The following MDGA2 variants were observed in gnomAD, a reference collection of about 807,000 sequenced individuals.
MDGA2 encodes MAM domain-containing glycosylphosphatidylinositol anchor protein 2.
In MDGA2, 40 loss-of-function variants were observed where a neutral mutation model predicts 117.8. The ratio of observed to expected loss-of-function variants is 0.34; its 90% CI spans 0.26 to 0.44. MDGA2 has a LOEUF of 0.44. Ranked by LOEUF, MDGA2 falls within the 20% of genes least tolerant of loss-of-function variation. MDGA2 has a pLI of 1.00. For missense variants in MDGA2, 1,123 were observed against 1,250.6 expected (o/e 0.90, Z 1.54); for synonymous variants, 452 against 439.0 (o/e 1.03, Z -0.37).
At chr14:47,551,707 G>C (rs1895584802) in intron 1 of MDGA2, among the ~76,000 whole-genome samples, 1 of 152,112 alleles carries the variant, frequency 6.6e-6, no homozygotes. Flanking sequence ...CAAGACCTTA[G>C]TATTACATGT....
chr14:47,226,015 G>A (rs1028857090), intron 2 of MDGA2, among the ~76,000 whole-genome samples: 9 of 152,050 alleles, frequency 5.9e-5, no homozygotes, highest in East Asian at 5.8e-4. Flanking sequence ...CTGGCCGGGA[G>A]CAGTGGCTCA....
intron 1 of MDGA2, among the ~76,000 whole-genome samples, chr14:47,554,498 T>C (rs1269491466): frequency 6.6e-6 from 1 of 152,188 alleles, no homozygotes; most frequent in Non-Finnish European, 1.5e-5. Flanking sequence ...AAGTTGGTAA[T>C]AATTCTTGGG....
At chr14:46,924,197 A>G (rs1884239060) in intron 9 of MDGA2, among the ~76,000 whole-genome samples, 1 of 151,948 alleles carries the variant, frequency 6.6e-6, no homozygotes, top group Admixed American at 6.6e-5. Context: ...TATAGAAAAA[A>G]TTTGTTTTTG....
At chr14:47,408,468 T>C (rs1892306426) in intron 1 of MDGA2, among the ~76,000 whole-genome samples, 1 of 152,184 alleles carries the variant, frequency 6.6e-6, no homozygotes, top group East Asian at 1.9e-4. Flanking sequence ...AAATCAGAGA[T>C]AGTTTATGCC....
intron 2 of MDGA2, among the ~76,000 whole-genome samples, chr14:47,293,980 A>C (rs1888975605): frequency 6.6e-6 from 1 of 152,106 alleles, no homozygotes; most frequent in African/African-American, 2.4e-5. Context: ...CCTCCTAAAC[A>C]AGCTATGCTA....
intron 1 of MDGA2, among the ~76,000 whole-genome samples, chr14:47,459,545 CTTCCTTCCTTCCTTCT>C (rs1015095908): frequency 4.0e-5 from 6 of 148,342 alleles, no homozygotes; most frequent in Admixed American, 1.4e-4. Flanking sequence ...CTCTTTCTTT[CTTCCTTCCTTCCTTCT>C]TTCCTTCCTT....
chr14:47,450,509 T>C (rs1950389), intron 1 of MDGA2, among the ~76,000 whole-genome samples: 103,035 of 151,780 alleles, frequency 0.68, 35,469 homozygotes, highest in African/African-American at 0.79. Context: ...ATTGAAGAGA[T>C]TCTCCAAATG....
At chr14:47,331,578 A>G (rs938310532) in intron 1 of MDGA2, among the ~76,000 whole-genome samples, 4 of 151,962 alleles carry the variant, frequency 2.6e-5, no homozygotes, top group African/African-American at 9.7e-5. Context: ...TCATGCAGAC[A>G]TATTTCCTCT....
At chr14:47,174,851 A>G (rs1453742652) in intron 3 of MDGA2, among the ~76,000 whole-genome samples, 1 of 152,190 alleles carries the variant, frequency 6.6e-6, no homozygotes, top group Non-Finnish European at 1.5e-5. Context: ...AAAATTAATG[A>G]ATCCAGGAGC....
chr14:47,471,556 C>A (rs893022217), intron 1 of MDGA2, among the ~76,000 whole-genome samples: 1 of 152,016 alleles, frequency 6.6e-6, no homozygotes, highest in Non-Finnish European at 1.5e-5. Flanking sequence ...TCTTCTCTGG[C>A]AAAATGCTTT....
At chr14:47,365,171 A>G (rs144987980) in intron 1 of MDGA2, among the ~76,000 whole-genome samples, 59 of 152,324 alleles carry the variant, frequency 3.9e-4, no homozygotes, top group African/African-American at 1.4e-3. Flanking sequence ...CCGCCTCTCA[A>G]TAGTATATTA....
intron 10 of MDGA2, among the ~76,000 whole-genome samples, chr14:46,887,792 C>A: frequency 6.6e-6 from 1 of 151,632 alleles, no homozygotes; most frequent in South Asian, 2.1e-4. Context: ...GAACAATAGG[C>A]AAAGTGCTAT....
chr14:46,858,153 A>T (rs541137430), intron 14 of MDGA2, among the ~76,000 whole-genome samples: 1 of 150,748 alleles, frequency 6.6e-6, no homozygotes, highest in East Asian at 1.9e-4. Flanking sequence ...TATTTTCTCA[A>T]ATTGGAAAAT....
intron 8 of MDGA2, among the ~76,000 whole-genome samples, chr14:47,001,894 G>T (rs1471097349): frequency 6.6e-6 from 1 of 152,046 alleles, no homozygotes; most frequent in African/African-American, 2.4e-5. Context: ...TCAATGGAGT[G>T]GGGAGGGAGA....
intron 2 of MDGA2, among the ~76,000 whole-genome samples, chr14:47,261,069 T>A (rs1213181477): frequency 6.6e-6 from 1 of 152,014 alleles, no homozygotes; most frequent in Non-Finnish European, 1.5e-5. Context: ...CACATAGCAA[T>A]GACAATGAAA....
chr14:47,452,416 T>C (rs991222476), intron 1 of MDGA2, among the ~76,000 whole-genome samples: 2 of 152,120 alleles, frequency 1.3e-5, no homozygotes, highest in Non-Finnish European at 2.9e-5. Context: ...CTTTAAGACA[T>C]TATTTTTTAG....
At chr14:46,900,329 C>A (rs1362159477) in intron 10 of MDGA2, among the ~76,000 whole-genome samples, 32 of 152,108 alleles carry the variant, frequency 2.1e-4, no homozygotes, top group Admixed American at 2.1e-3. Flanking sequence ...GATGGACTTA[C>A]TACACCACTC....
chr14:47,016,782 A>C (rs186315371), intron 8 of MDGA2, among the ~76,000 whole-genome samples: 1 of 152,198 alleles, frequency 6.6e-6, no homozygotes, highest in Admixed American at 6.5e-5. Flanking sequence ...TCAAAAAATT[A>C]AATGAAATTA....
chr14:46,986,976 G>A (rs1302318388), intron 8 of MDGA2, among the ~76,000 whole-genome samples: 1 of 152,036 alleles, frequency 6.6e-6, no homozygotes, highest in Non-Finnish European at 1.5e-5. Context: ...TCAATTTCAT[G>A]TCATTACAGT....
Sources: gnomAD v4.1 joint callset for allele counts (sites outside exome capture counted in the v4.1 genomes callset) on GRCh38, gnomAD v4.1.1 for gene constraint, MANE v1.5 for transcripts, NCBI Gene and HGNC (gene_info 2026-07-23, HGNC 2026-07-21) for gene names.